Variants in SHANK2 observed in about 807,000 individuals in gnomAD.
SHANK2 encodes SH3 and multiple ankyrin repeat domains protein 2.
In SHANK2, 43 loss-of-function variants were observed where a neutral mutation model predicts 133.7. The observed-to-expected ratio is 0.32, with a 90% confidence interval of 0.25 to 0.41. SHANK2 has a LOEUF of 0.41. Ranked by LOEUF, SHANK2 falls within the 10% of genes least tolerant of loss-of-function variation. The pLI is 1.00. For synonymous variants in SHANK2, 1,017 were observed against 952.8 expected, an observed-to-expected ratio of 1.07 and a Z score of -1.24; for missense variants, 1,994 against 2,235.8, an observed-to-expected ratio of 0.89 and a Z score of 2.18.
chr11:70,534,289 G>A (rs2059516691), intron 17 of SHANK2, among the ~76,000 whole-genome samples: 1 of 152,158 alleles, frequency 6.6e-6, no homozygotes, highest in South Asian at 2.1e-4. Flanking sequence ...TGAGTAAAAG[G>A]GGGAAAAGCC....
At chr11:71,065,984 TG>T (rs1951051286) in intron 9 of SHANK2, among the ~76,000 whole-genome samples, 7 of 51,918 alleles carry the variant, frequency 1.3e-4, no homozygotes, top group Non-Finnish European at 2.4e-4. Context: ...GTGGGGAAGT[TG>T]GGAGGGGAGT....
At chr11:70,931,777 C>A (rs1950507766) in intron 10 of SHANK2, among the ~76,000 whole-genome samples, 1 of 152,254 alleles carries the variant, frequency 6.6e-6, no homozygotes, top group Non-Finnish European at 1.5e-5. Context: ...GGTCTCACAT[C>A]TAGAAAGCCA....
intron 17 of SHANK2, among the ~76,000 whole-genome samples, chr11:70,649,190 A>C (rs1304070124): frequency 1.3e-5 from 2 of 152,172 alleles, no homozygotes; most frequent in Admixed American, 6.5e-5. Context: ...GGAGGTGCAC[A>C]TGCCCAGGAC....
intron 2 of SHANK2, among the ~76,000 whole-genome samples, chr11:71,183,444 G>A (rs1385718048): frequency 1.3e-5 from 2 of 152,150 alleles, no homozygotes; most frequent in African/African-American, 4.8e-5. Context: ...ACTCTGGCAT[G>A]CTTTAGAACG....
rs1002648330 is a variant in SHANK2, at chr11:70,504,882, C to G, written c.2062-1951G>C. Among the ~76,000 whole-genome samples the G allele has an allele frequency of 3.9e-5, 6 of 152,184 alleles. No individual in the cohort carries two copies. In the South Asian group the frequency reaches 1.2e-3, roughly 32 times the overall value. On this transcript the variant is annotated intron_variant, in intron 17 of 25. Coordinates refer to ENST00000601538, the MANE Select transcript of SHANK2 (RefSeq NM_012309.5). ...AACACCAGCCACGCGTTATCGGGTT[C>G]TCTCCCCTCCCATGAGCACACCCGG...
intron 11 of SHANK2, among the ~76,000 whole-genome samples, chr11:70,828,107 C>T (rs892975732): frequency 3.3e-5 from 5 of 152,104 alleles, no homozygotes; most frequent in African/African-American, 9.7e-5. Context: ...AGTGAGACCC[C>T]GTTTCCATGA....
chr11:70,687,949 C>T (rs946513123), intron 15 of SHANK2, among the ~76,000 whole-genome samples: 41 of 152,338 alleles, frequency 2.7e-4, no homozygotes, highest in African/African-American at 9.6e-4. Context: ...TAAACGTGGT[C>T]TGAGGCTGCT....
At chr11:70,523,554 C>T (rs1742536566) in intron 17 of SHANK2, among the ~76,000 whole-genome samples, 1 of 152,170 alleles carries the variant, frequency 6.6e-6, no homozygotes, top group Non-Finnish European at 1.5e-5. Context: ...CCCGGTGCTG[C>T]CCCGAAGCCC....
chr11:70,918,934 C>T (rs183805843), intron 10 of SHANK2, among the ~76,000 whole-genome samples: 130 of 152,182 alleles, frequency 8.5e-4, no homozygotes, highest in African/African-American at 2.9e-3. Context: ...GAGGCCAAGG[C>T]GGATGGATCA....
At chr11:70,557,646 G>C (rs1408985065) in intron 17 of SHANK2, among the ~76,000 whole-genome samples, 1 of 152,154 alleles carries the variant, frequency 6.6e-6, no homozygotes, top group Non-Finnish European at 1.5e-5. Context: ...TGTGGGTGGG[G>C]GGCCCTCACA....
At chr11:70,762,134 T>C (rs973002022) in intron 14 of SHANK2, among the ~76,000 whole-genome samples, 6 of 152,330 alleles carry the variant, frequency 3.9e-5, no homozygotes, top group East Asian at 3.9e-4. Context: ...CCAATGCTCA[T>C]CTCATGAATA....
intron 14 of SHANK2, among the ~76,000 whole-genome samples, chr11:70,716,905 C>G (rs1447055812): frequency 6.7e-5 from 10 of 149,256 alleles, no homozygotes; most frequent in Non-Finnish European, 1.5e-5. Context: ...GCCCCCCCCC[C>G]GCCCAACTGG....
intron 17 of SHANK2, chr11:70,570,722 GGGA>G: frequency 1.1e-5 from 1 of 87,646 alleles, no homozygotes; most frequent in East Asian, 3.0e-4. Context: ...TACTGGAGTG[GGGA>G]GTGGGGAGTG....
At chr11:70,917,387 A>G (rs1201340210) in intron 10 of SHANK2, among the ~76,000 whole-genome samples, 1 of 152,240 alleles carries the variant, frequency 6.6e-6, no homozygotes, top group Non-Finnish European at 1.5e-5. Flanking sequence ...GAGAAAAAGG[A>G]ACTCTTTTAC....
At chr11:70,501,671 C>T (rs2059055022) in intron 20 of SHANK2, among the ~76,000 whole-genome samples, 1 of 152,242 alleles carries the variant, frequency 6.6e-6, no homozygotes, top group Non-Finnish European at 1.5e-5. Flanking sequence ...GTCAGAGGGC[C>T]AGAGCCTCTC....
chr11:70,544,044 T>C (rs966844541), intron 17 of SHANK2, among the ~76,000 whole-genome samples: 20 of 152,126 alleles, frequency 1.3e-4, no homozygotes, highest in African/African-American at 3.9e-4. Flanking sequence ...CCCCCCAAAT[T>C]TGGCCTCAAC....
At chr11:70,806,964 C>T in intron 13 of SHANK2, 38 bp downstream of exon 13, 1 of 707,680 alleles carries the variant, frequency 1.4e-6, no homozygotes, top group South Asian at 1.5e-5. Context: ...CCAGCCTGAC[C>T]TCACTCCAGG....
intron 17 of SHANK2, among the ~76,000 whole-genome samples, chr11:70,565,463 G>A (rs2059956871): frequency 6.6e-6 from 1 of 152,154 alleles, no homozygotes; most frequent in Non-Finnish European, 1.5e-5. Flanking sequence ...AGCCAGGTTG[G>A]TCTTGAACTA....
intron 2 of SHANK2, among the ~76,000 whole-genome samples, chr11:71,217,766 T>C (rs916988429): frequency 1.3e-5 from 2 of 152,230 alleles, no homozygotes; most frequent in African/African-American, 4.8e-5. Context: ...AAAAGGCTTA[T>C]GGAATAAGGA....
Sources: gnomAD v4.1 joint callset for allele counts (sites outside exome capture counted in the v4.1 genomes callset) on GRCh38, gnomAD v4.1.1 for gene constraint, MANE v1.5 for transcripts, NCBI Gene and HGNC (gene_info 2026-07-23, HGNC 2026-07-21) for gene names.